SEZ6L: variants seen among roughly 807,000 people sequenced by gnomAD.
SEZ6L encodes the protein seizure related 6 homolog like.
Under a neutral mutation model 106.2 loss-of-function variants are expected in SEZ6L, and 37 were observed. That is an observed-to-expected ratio of 0.35 (90% confidence interval 0.27 to 0.46). The LOEUF is 0.46. Among genes scored for constraint, SEZ6L ranks in the 20% least tolerant of loss-of-function variants. The pLI, the probability that SEZ6L is intolerant of heterozygous loss-of-function variation, is 1.00. For synonymous variants in SEZ6L, 541 were observed against 570.4 expected (o/e 0.95, Z 0.73); for missense variants, 1,172 against 1,332.8 (o/e 0.88, Z 1.88).
rs1213449935 is a variant in SEZ6L, at chr22:26,338,867, C to CTTTTTCT, written c.2016-1564_2016-1563insCTTTTTT. On this transcript the variant is annotated intron_variant, in intron 9 of 16. Transcript: ENST00000248933. Reference sequence around the variant, plus strand: ...CACCACGCCCGGACTTTTTTTTTTTCTTTTTTTTTTTTTTTTTGTAGAGAC... The same window carrying CTTTTTCT: ...CACCACGCCCGGACTTTTTTTTTTTCTTTTTCTTTTTTTTTTTTTTTTTTGTAGAGAC... 2.1e-3 allele frequency among the ~76,000 whole-genome samples: 180 copies of CTTTTTCT among 87,484 alleles called. 11 individuals carry two copies. The South Asian group carries it at 0.056, about 27-fold the overall frequency. 57.4% of individuals were successfully genotyped at this position (87,484 alleles called of 152,430 possible).
intron 1 of SEZ6L, among the ~76,000 whole-genome samples, chr22:26,237,108 C>T (rs1476434506): frequency 2.0e-5 from 3 of 152,212 alleles, no homozygotes; most frequent in Admixed American, 6.5e-5. Flanking sequence ...CTGCTCAACT[C>T]GAGGTGTGAC....
chr22:26,235,012 C>T (rs1008684241), intron 1 of SEZ6L, among the ~76,000 whole-genome samples: 2 of 152,162 alleles, frequency 1.3e-5, no homozygotes, highest in Non-Finnish European at 1.5e-5. Flanking sequence ...AGTGCTTTCT[C>T]GGATGTTGCT....
At chr22:26,309,973 G>A (rs1164917126) in intron 6 of SEZ6L, among the ~76,000 whole-genome samples, 1 of 152,212 alleles carries the variant, frequency 6.6e-6, no homozygotes, top group Admixed American at 6.5e-5. Flanking sequence ...CAGCTGAGAA[G>A]TGACAGAGTC....
chr22:26,180,136 T>G (rs529512267), intron 1 of SEZ6L, among the ~76,000 whole-genome samples: 2 of 152,206 alleles, frequency 1.3e-5, no homozygotes, highest in Non-Finnish European at 2.9e-5. Flanking sequence ...ATGGGAAGCA[T>G]GCCATGTGAC....
chr22:26,347,352 A>G (rs2083042127), intron 10 of SEZ6L, among the ~76,000 whole-genome samples: 5 of 152,204 alleles, frequency 3.3e-5, no homozygotes, highest in Non-Finnish European at 7.3e-5. Context: ...CAGCGGCCAC[A>G]GTGAGACAGG....
At chr22:26,354,504 G>C (rs561593717) in intron 12 of SEZ6L, among the ~76,000 whole-genome samples, 8 of 152,220 alleles carry the variant, frequency 5.3e-5, no homozygotes, top group African/African-American at 1.9e-4. Context: ...CCGGTTTGTG[G>C]TCCTTTGTCA....
intron 1 of SEZ6L, among the ~76,000 whole-genome samples, chr22:26,279,056 T>TC (rs1005196522): frequency 3.4e-5 from 5 of 148,256 alleles, no homozygotes; most frequent in South Asian, 2.1e-4. Flanking sequence ...TCATCCAACT[T>TC]CCCCCCCAAC....
At chr22:26,361,506 CAA>C (rs530265526) in intron 12 of SEZ6L, among the ~76,000 whole-genome samples, 12,171 of 130,320 alleles carry the variant, frequency 0.093, 685 homozygotes, top group Admixed American at 0.22. Context: ...GACTCTGTCT[CAA>C]AAAAAAAAAA....
At chr22:26,223,713 G>C (rs926778420) in intron 1 of SEZ6L, among the ~76,000 whole-genome samples, 1 of 152,148 alleles carries the variant, frequency 6.6e-6, no homozygotes, top group Non-Finnish European at 1.5e-5. Flanking sequence ...ATCAAATAAT[G>C]CATATAAAAC....
intron 1 of SEZ6L, among the ~76,000 whole-genome samples, chr22:26,210,360 C>T (rs1337102906): frequency 1.3e-5 from 2 of 152,214 alleles, no homozygotes; most frequent in Non-Finnish European, 2.9e-5. Flanking sequence ...AGGGAAGGCT[C>T]ACATGCACAA....
At chr22:26,193,938 G>A (rs1227902402) in intron 1 of SEZ6L, among the ~76,000 whole-genome samples, 1 of 152,186 alleles carries the variant, frequency 6.6e-6, no homozygotes, top group Admixed American at 6.5e-5. Flanking sequence ...GAGGCTGGGG[G>A]GAGGTTCTGT....
At chr22:26,313,974 T>G in intron 9 of SEZ6L, 72 bp downstream of exon 9, 1 of 1,487,306 alleles carries the variant, frequency 6.7e-7, no homozygotes, top group Non-Finnish European at 9.3e-7. Context: ...TGCTCCTGCT[T>G]TATTCTTTCA....
intron 1 of SEZ6L, among the ~76,000 whole-genome samples, chr22:26,245,343 G>A (rs1375932262): frequency 6.6e-6 from 1 of 152,124 alleles, no homozygotes; most frequent in Non-Finnish European, 1.5e-5. Flanking sequence ...GAACAAGAGA[G>A]ACGAGAGACA....
At chr22:26,304,377 A>AAAGAAAGAAAGAAAGAAAGAAAG (rs2081558054) in intron 5 of SEZ6L, among the ~76,000 whole-genome samples, 36 of 75,638 alleles carry the variant, frequency 4.8e-4, no homozygotes, top group African/African-American at 1.8e-3. Context: ...AAGAAGAAAG[A>AAAGAAAGAAAGAAAGAAAGAAAG]AAGAAAGAAA....
chr22:26,326,153 C>T (rs1284300745), intron 9 of SEZ6L, among the ~76,000 whole-genome samples: 1 of 152,176 alleles, frequency 6.6e-6, no homozygotes, highest in Non-Finnish European at 1.5e-5. Context: ...GCTCCTTGGC[C>T]ACGCCACGCT....
intron 1 of SEZ6L, among the ~76,000 whole-genome samples, chr22:26,270,249 T>C (rs1181213522): frequency 6.6e-6 from 1 of 152,184 alleles, no homozygotes; most frequent in East Asian, 1.9e-4. Flanking sequence ...ATTATGGAGA[T>C]ATTATTGCTG....
chr22:26,188,912 T>C (rs1939989454), intron 1 of SEZ6L, among the ~76,000 whole-genome samples: 1 of 152,228 alleles, frequency 6.6e-6, no homozygotes, highest in South Asian at 2.1e-4. Context: ...TAGTAGGAAG[T>C]ATTAACAATA....
rs899747861 is a variant in SEZ6L at position 26,169,547 on chromosome 22, C to T, written c.-123C>T. On this transcript the variant is annotated 5_prime_UTR_variant, in exon 1 of 17. Transcript: ENST00000248933. ...CGCCCAGGGGGCTCCGGAAGCTGCCCCGGCCCGCGGCCTCCTCCCTCGCTC... is the reference window on the plus strand; with the variant it reads ...CGCCCAGGGGGCTCCGGAAGCTGCCTCGGCCCGCGGCCTCCTCCCTCGCTC... The T allele has an allele frequency of 5.0e-6, 2 of 402,840 alleles. No homozygotes were observed. The highest frequency in any genetic ancestry group is 4.6e-5 in the Admixed American group (1 of 21,868). 25.0% of individuals were successfully genotyped at this position (402,840 alleles called of 1,614,324 possible). A position where few individuals can be genotyped will look rare whatever the true frequency, so the allele number is the denominator to read the frequency against.
chr22:26,293,783 C>T (rs1408400206), intron 2 of SEZ6L, among the ~76,000 whole-genome samples: 2 of 152,222 alleles, frequency 1.3e-5, no homozygotes, highest in South Asian at 4.1e-4. Flanking sequence ...TTTCAAAGCA[C>T]ATTTGCTTTT....
Sources: allele counts gnomAD v4.1 joint callset (sites outside exome capture counted in the v4.1 genomes callset), GRCh38; gene constraint gnomAD v4.1.1; transcripts MANE v1.5; gene names NCBI Gene and HGNC (gene_info 2026-07-23, HGNC 2026-07-21).